Variants in EPG5 observed in about 807,000 individuals in gnomAD.
EPG5 encodes ectopic P-granules 5 autophagy tethering factor.
In EPG5, 159 loss-of-function variants were observed where a neutral mutation model predicts 302.7. The ratio of observed to expected loss-of-function variants is 0.53; its 90% CI spans 0.46 to 0.60. The LOEUF is 0.60. Ranked by LOEUF, EPG5 falls within the 20% of genes least tolerant of loss-of-function variation. EPG5 has a pLI of 0.00. For synonymous variants in EPG5, 1,158 were observed against 1,136.8 expected, an observed-to-expected ratio of 1.02 and a Z score of -0.37; for missense variants, 2,896 against 3,092.4, an observed-to-expected ratio of 0.94 and a Z score of 1.51.
chr18:45,809,520 C>T, the EPG5 span, among the ~76,000 whole-genome samples: 112,938 of 152,080 alleles, frequency 0.74, 42,830 homozygotes, highest in East Asian at 0.92. Context: ...ATATCAAGCA[C>T]TCTCTCAGAC....
chr18:45,940,934 G>T (rs1320982190), intron 9 of EPG5, among the ~76,000 whole-genome samples: 1 of 152,170 alleles, frequency 6.6e-6, no homozygotes, highest in Non-Finnish European at 1.5e-5. Flanking sequence ...AGAACACTAC[G>T]TTACAATGTT....
chr18:45,895,068 G>A (rs1286893087), intron 27 of EPG5, among the ~76,000 whole-genome samples: 1 of 152,124 alleles, frequency 6.6e-6, no homozygotes, highest in African/African-American at 2.4e-5. Flanking sequence ...CACAGAGAAG[G>A]GAATGTCACG....
chr18:45,907,113 GAAGA>G (rs1333538763), intron 24 of EPG5: 6 of 152,232 alleles, frequency 3.9e-5, no homozygotes, highest in Non-Finnish European at 8.8e-5. Flanking sequence ...AGGAAAGCAA[GAAGA>G]AAGAAGGCAA....
chr18:45,887,527 C>T (rs1434270604), intron 29 of EPG5, among the ~76,000 whole-genome samples: 1 of 152,100 alleles, frequency 6.6e-6, no homozygotes, highest in Non-Finnish European at 1.5e-5. Context: ...CTGATGTCTC[C>T]CTAGACTTTC....
chr18:45,810,811 G>A, the EPG5 span, among the ~76,000 whole-genome samples: 1 of 152,076 alleles, frequency 6.6e-6, no homozygotes, highest in Non-Finnish European at 1.5e-5. Flanking sequence ...AATACTCCAT[G>A]ATCCATGATC....
chr18:45,882,323 G>C lies in EPG5; in HGVS notation c.5469C>G (p.Leu1823=). The C allele has an allele frequency of 6.2e-7, 1 of 1,614,188 alleles. No homozygotes were observed. ...LFCKHWTYLL[L]YQFPDQYSDI... is the part of the protein sequence containing the mutation. ...CACTGTACTGGTCAGGAAACTGGTA[G>C]AGAAGAAGATAAGTCCAGTGCTTAC... Residue 1823 remains leucine (L), a synonymous_variant, in exon 31 of 44, where the codon CTC becomes CTG. Coordinates refer to ENST00000282041, the MANE Select transcript of EPG5 (RefSeq NM_020964.3).
chr18:45,962,034 A>C (rs1194434672), intron 1 of EPG5, among the ~76,000 whole-genome samples: 1 of 151,620 alleles, frequency 6.6e-6, no homozygotes, highest in African/African-American at 2.4e-5. Context: ...TCCCTCTTGA[A>C]TGTTAAGCTC....
rs764377958 is a variant in EPG5 at position 45,889,986 on chromosome 18, A to G, written c.4810-46T>C. The G allele has an allele frequency of 1.3e-4, 195 of 1,498,466 alleles. 2 individuals are homozygous for G. The East Asian group carries it at 4.5e-3, about 34-fold the overall frequency. The allele number at this position is 1,498,466 out of a possible 1,614,324, so 92.8% of individuals were successfully genotyped here. A position where few individuals can be genotyped will look rare whatever the true frequency, so the allele number is the denominator to read the frequency against. On this transcript the variant is annotated intron_variant, in intron 27 of 43. Transcript: ENST00000282041. ...CAAAAGACATTTCCCCCCATGTGTC[A>G]GGTTTCCCATGAAGACTCAAACTGA...
chr18:45,953,638 C>CT, intron 2 of EPG5: 1 of 985,282 alleles, frequency 1.0e-6, no homozygotes, highest in Non-Finnish European at 1.2e-6. Context: ...ATCTAATGGT[C>CT]TTCTCCATCC....
chr18:45,802,543 GTC>G, the EPG5 span, among the ~76,000 whole-genome samples: 1 of 151,538 alleles, frequency 6.6e-6, no homozygotes, highest in Admixed American at 6.6e-5. Context: ...AAAAAAAAAA[GTC>G]TCTGGTCCTT....
rs7235022 is a variant in EPG5 at position 45,934,027 on chromosome 18, C to G, written c.2257+782G>C. ...TATCCTGGCCAGGCACGGTGGCTCA[C>G]GCCTGTAATCACAGCACTTGGGAGG... On this transcript the variant is annotated intron_variant, in intron 11 of 43. Transcript: ENST00000282041. Among the ~76,000 whole-genome samples the G allele has an allele frequency of 1.9e-3, 285 of 152,106 alleles. 1 individual carries two copies. Among genetic ancestry groups the G allele is most frequent in the Non-Finnish European group, 3.2e-3 (220 of 68,008 alleles).
At chr18:45,877,793 C>A (rs1160935485) in intron 34 of EPG5, among the ~76,000 whole-genome samples, 2 of 152,140 alleles carry the variant, frequency 1.3e-5, no homozygotes, top group Non-Finnish European at 2.9e-5. Flanking sequence ...GAAAACAACT[C>A]CTATAATGTG....
At chr18:45,829,440 C>A in the EPG5 span, among the ~76,000 whole-genome samples, 1 of 152,192 alleles carries the variant, frequency 6.6e-6, no homozygotes, top group African/African-American at 2.4e-5. Context: ...AACTTGCAAG[C>A]CCAGAGAAAG....
intron 10 of EPG5, among the ~76,000 whole-genome samples, chr18:45,937,468 G>A (rs1051102042): frequency 1.2e-4 from 19 of 152,030 alleles, no homozygotes; most frequent in Admixed American, 7.9e-4. Context: ...GTACAGTGGC[G>A]CGATCTCAGC....
intron 25 of EPG5, among the ~76,000 whole-genome samples, chr18:45,903,058 A>G (rs922533021): frequency 2.6e-5 from 4 of 152,212 alleles, no homozygotes; most frequent in African/African-American, 9.6e-5. Flanking sequence ...TAGAAACACT[A>G]TGAATGGAAG....
chr18:45,866,929 C>T lies in EPG5; in HGVS notation c.6490G>A (p.Val2164Met), dbSNP rs1373055142. 1.9e-6 allele frequency: 3 copies of T among 1,614,156 alleles called. No homozygotes were observed. The highest frequency in any genetic ancestry group is 2.5e-6 in the Non-Finnish European group (3 of 1,179,994). Residue 2164 changes from valine to methionine, a missense_variant, in exon 38 of 44, where the codon GTG becomes ATG. Val to Met is a conservative substitution (Grantham distance 21). This residue lies in a region of EPG5 where 620 missense variants were observed against 704.2 expected (regional missense o/e 0.88). Transcript: ENST00000282041. ...TAATGGCTGCTGAAATAACTTAGCA[C>T]ACTCTGGTACGACACAATATCCACA... ...HLVDIVSYQSVLSYFSSHYPP... is the reference protein window; with the variant it reads ...HLVDIVSYQSMLSYFSSHYPP...
intron 24 of EPG5, among the ~76,000 whole-genome samples, chr18:45,905,716 C>G (rs1334634063): frequency 6.6e-6 from 1 of 152,136 alleles, no homozygotes; most frequent in Non-Finnish European, 1.5e-5. Flanking sequence ...AAGCACCAAG[C>G]AAGGGCTGAC....
Position 45,945,608 on chromosome 18 carries a change from C to A in EPG5, c.1677+1055G>T, listed in dbSNP as rs138348560. 4.6e-5 allele frequency among the ~76,000 whole-genome samples: 7 copies of A among 152,170 alleles called. No individual in the cohort carries two copies. The East Asian group carries it at 1.2e-3, about 25-fold the overall frequency. ...AATTATAACGCTCCTTAATCATTAT[C>A]TGTCTGGGATTAAATGCAGGAAACC... On this transcript the variant is annotated intron_variant, in intron 7 of 43. Transcript: ENST00000282041.
the EPG5 span, among the ~76,000 whole-genome samples, chr18:45,806,655 C>T: frequency 3.1e-4 from 47 of 151,896 alleles, no homozygotes; most frequent in African/African-American, 1.1e-3. Flanking sequence ...TACCTGAAGC[C>T]GAGTCAATTT....
Sources: gnomAD v4.1 joint callset for allele counts (sites outside exome capture counted in the v4.1 genomes callset) on GRCh38, gnomAD v4.1.1 for gene constraint, gnomAD v4.1.1 regional missense constraint, MANE v1.5 for transcripts, NCBI Gene and HGNC (gene_info 2026-07-23, HGNC 2026-07-21) for gene names.